SMAD3: variants seen among roughly 807,000 people sequenced by gnomAD.
The protein encoded by SMAD3 is MAD homolog 3.
SMAD3 carries 12 observed loss-of-function variants against 51.8 expected under a neutral mutation model. The ratio of observed to expected loss-of-function variants is 0.23; its 90% CI spans 0.15 to 0.38. SMAD3 has a LOEUF of 0.38. SMAD3 is among the 10% of genes least tolerant of loss of function. SMAD3 has a pLI of 1.00. For missense variants in SMAD3, 294 were observed against 565.6 expected, an observed-to-expected ratio of 0.52 and a Z score of 4.87; for synonymous variants, 238 against 227.7, an observed-to-expected ratio of 1.05 and a Z score of -0.41.
intron 1 of SMAD3, among the ~76,000 whole-genome samples, chr15:67,145,584 T>C (rs1463181722): frequency 6.6e-6 from 1 of 152,196 alleles, no homozygotes; most frequent in Admixed American, 6.5e-5. Flanking sequence ...GGCAACATCA[T>C]TGGGCAGGAT....
chr15:67,106,824 T>C (rs1354291693), intron 1 of SMAD3, among the ~76,000 whole-genome samples: 1 of 152,152 alleles, frequency 6.6e-6, no homozygotes, highest in African/African-American at 2.4e-5. Flanking sequence ...ATCTCAGTCT[T>C]TTGCAAGGTG....
At chr15:67,130,007 A>T (rs1961483915) in intron 1 of SMAD3, among the ~76,000 whole-genome samples, 1 of 152,166 alleles carries the variant, frequency 6.6e-6, no homozygotes, top group South Asian at 2.1e-4. Context: ...GCTGAGTTAC[A>T]CAGCTAGTGA....
intron 1 of SMAD3, among the ~76,000 whole-genome samples, chr15:67,130,238 C>T (rs977523629): frequency 2.0e-5 from 3 of 152,210 alleles, no homozygotes; most frequent in African/African-American, 4.8e-5. Context: ...CCCAAGGCCA[C>T]GTAGTCCCAG....
intron 1 of SMAD3, among the ~76,000 whole-genome samples, chr15:67,134,814 C>G (rs1304281005): frequency 6.6e-6 from 1 of 152,196 alleles, no homozygotes; most frequent in Admixed American, 6.5e-5. Context: ...AGGTCCTGCT[C>G]TGGGAGCTTT....
chr15:67,137,868 C>T, intron 1 of SMAD3: 1 of 599,646 alleles, frequency 1.7e-6, no homozygotes, highest in Non-Finnish European at 3.0e-6. Flanking sequence ...AAAGTACTGT[C>T]CTCCCTTTGG....
chr15:67,071,805 C>G (rs1960060504), intron 1 of SMAD3, among the ~76,000 whole-genome samples: 1 of 152,106 alleles, frequency 6.6e-6, no homozygotes, highest in South Asian at 2.1e-4. Context: ...GAGCGAGACT[C>G]TGTCTCAAAA....
At position 67,066,087 on chromosome 15, in the gene SMAD3, C is replaced by T. The variant is rs1205992137; in HGVS notation, c.-68C>T. ...GGCCCCGGCCGAGCTCCCCTCTGCG[C>T]CCCCGGCGTCCCGTCGAGCCCAGCC... On this transcript the variant is annotated 5_prime_UTR_variant, in exon 1 of 9. Coordinates refer to ENST00000327367, the MANE Select transcript of SMAD3 (RefSeq NM_005902.4). 5.6e-6 allele frequency: 7 copies of T among 1,254,100 alleles called. No homozygotes were observed. Among genetic ancestry groups the T allele is most frequent in the Non-Finnish European group, 7.8e-6 (7 of 901,540 alleles). The allele number at this position is 1,254,100 out of a possible 1,614,324, so 77.7% of individuals were successfully genotyped here.
intron 1 of SMAD3, among the ~76,000 whole-genome samples, chr15:67,156,924 A>G (rs1962298122): frequency 6.6e-6 from 1 of 152,228 alleles, no homozygotes; most frequent in Non-Finnish European, 1.5e-5. Flanking sequence ...AATGCAAGTC[A>G]ATAGTCTACC....
rs1963423619 is a variant in SMAD3, at chr15:67,193,645, G to C, written c.*3109G>C. 4.3e-6 allele frequency: 1 copy of C among 233,486 alleles called. No homozygotes were observed. Among genetic ancestry groups the C allele is most frequent in the Non-Finnish European group, 8.5e-6 (1 of 117,910 alleles). 14.5% of individuals were successfully genotyped at this position (233,486 alleles called of 1,614,324 possible). A position where few individuals can be genotyped will look rare whatever the true frequency, so the allele number is the denominator to read the frequency against. On this transcript the variant is annotated 3_prime_UTR_variant, in exon 9 of 9. Coordinates refer to ENST00000327367, the MANE Select transcript of SMAD3 (RefSeq NM_005902.4). ...ACTCTTAGGAAGAGCACACATGAGG[G>C]CAAGGCTGCTGGCAGACGTCTCCAT...
At chr15:67,096,841 C>T (rs1368274829) in intron 1 of SMAD3, among the ~76,000 whole-genome samples, 1 of 152,170 alleles carries the variant, frequency 6.6e-6, no homozygotes, top group Non-Finnish European at 1.5e-5. Context: ...GGCAAGTGAG[C>T]ATGTGTGCTT....
chr15:67,130,277 C>T (rs1961491378), intron 1 of SMAD3, among the ~76,000 whole-genome samples: 2 of 152,218 alleles, frequency 1.3e-5, no homozygotes, highest in Admixed American at 6.5e-5. Context: ...ATAGGGCCTG[C>T]TGACTCCGGT....
chr15:67,083,024 T>A (rs189280440), intron 1 of SMAD3, among the ~76,000 whole-genome samples: 228 of 152,348 alleles, frequency 1.5e-3, no homozygotes, highest in Middle Eastern at 3.4e-3. Context: ...TCCTGCCGTC[T>A]TGTCCTGGTG....
intron 1 of SMAD3, among the ~76,000 whole-genome samples, chr15:67,067,031 C>G (rs1959938402): frequency 6.6e-6 from 1 of 152,212 alleles, no homozygotes; most frequent in African/African-American, 2.4e-5. Flanking sequence ...ATGGGAGAGA[C>G]AAGTGGCGGA....
intron 1 of SMAD3, chr15:67,098,804 C>T: frequency 1.5e-6 from 1 of 688,450 alleles, no homozygotes; most frequent in Admixed American, 2.0e-5. Context: ...CCTACGCATC[C>T]CCAGCGGGGG....
At chr15:67,088,207 C>T (rs1566964041) in intron 1 of SMAD3, among the ~76,000 whole-genome samples, 1 of 152,196 alleles carries the variant, frequency 6.6e-6, no homozygotes, top group Non-Finnish European at 1.5e-5. Context: ...GACTAATTCT[C>T]CCTGGAGCCC....
intron 6 of SMAD3, among the ~76,000 whole-genome samples, chr15:67,183,321 G>A (rs1595959278): frequency 6.6e-6 from 1 of 152,064 alleles, no homozygotes; most frequent in African/African-American, 2.4e-5. Flanking sequence ...TGGGATTACA[G>A]GTGTGAGCCA....
intron 1 of SMAD3, among the ~76,000 whole-genome samples, chr15:67,095,682 C>T (rs924847560): frequency 1.3e-5 from 2 of 152,118 alleles, no homozygotes; most frequent in African/African-American, 4.8e-5. Context: ...CAGGCACCTG[C>T]CACCACACCC....
chr15:67,069,403 C>G (rs1326735387), intron 1 of SMAD3, among the ~76,000 whole-genome samples: 1 of 152,044 alleles, frequency 6.6e-6, no homozygotes, highest in African/African-American at 2.4e-5. Context: ...ATCTTCCTTG[C>G]CAGTTTATAA....
chr15:67,162,624 C>G (rs941110859), intron 1 of SMAD3, among the ~76,000 whole-genome samples: 5 of 152,158 alleles, frequency 3.3e-5, no homozygotes, highest in African/African-American at 1.2e-4. Flanking sequence ...GCCTGCCTCC[C>G]CGGCCTCGTC....
Sources: gnomAD v4.1 joint callset for allele counts (sites outside exome capture counted in the v4.1 genomes callset) on GRCh38, gnomAD v4.1.1 for gene constraint, MANE v1.5 for transcripts, NCBI Gene and HGNC (gene_info 2026-07-23, HGNC 2026-07-21) for gene names.